The following BCL7A variants were observed in gnomAD, a reference collection of about 807,000 sequenced individuals.
BCL7A encodes B-cell CLL/lymphoma 7 protein family member A.
Under a neutral mutation model 28.4 loss-of-function variants are expected in BCL7A, and 11 were observed. That is an observed-to-expected ratio of 0.39 (90% CI 0.24 to 0.64). The LOEUF (loss-of-function observed/expected upper bound fraction) is 0.64, where lower values mean the gene tolerates loss of function less well. Among genes scored for constraint, BCL7A ranks in the 30% least tolerant of loss-of-function variants. The pLI is 0.50. For missense variants in BCL7A, 222 were observed against 274.8 expected (o/e 0.81, Z 1.36); for synonymous variants, 123 against 103.3 (o/e 1.19, Z -1.15).
At chr12:122,056,519 G>C (rs1001559894) in intron 5 of BCL7A, among the ~76,000 whole-genome samples, 15 of 152,108 alleles carry the variant, frequency 9.9e-5, no homozygotes, top group African/African-American at 3.6e-4. Context: ...ATACGTTTTT[G>C]GCCGGGTGCA....
At chr12:122,049,031 AAAAAATAT>A (rs1315157806) in intron 4 of BCL7A, among the ~76,000 whole-genome samples, 1 of 69,726 alleles carries the variant, frequency 1.4e-5, no homozygotes, top group African/African-American at 6.3e-5. Flanking sequence ...AAAAAAAAAA[AAAAAATAT>A]ATATATATAT....
In BCL7A at chr12:122,037,487, A is replaced by G. The variant is rs1340271683; in HGVS notation, c.271+2060A>G. 3.9e-5 allele frequency among the ~76,000 whole-genome samples: 6 copies of G among 152,338 alleles called. No individual in the cohort carries two copies. In the East Asian group the frequency reaches 1.2e-3, roughly 29 times the overall value. On this transcript the variant is annotated intron_variant, in intron 3 of 5. Coordinates refer to ENST00000261822, the MANE Select transcript of BCL7A (RefSeq NM_001024808.3). ...GACCTGTCTGGAAAACACAGTCACC[A>G]GCTCCAAGGGCAGGGGGACTGGCAG... is the stretch of plus-strand genomic sequence containing the variant.
rs890278794 is a variant in BCL7A at position 122,059,574 on chromosome 12, T to A, written c.*411T>A. ...TGTTCAACCGATTCCTTCCGCTTTCTTTTTTTGTGCCTTGTGCCCTTGAGG... is the reference window on the plus strand; with the variant it reads ...TGTTCAACCGATTCCTTCCGCTTTCATTTTTTGTGCCTTGTGCCCTTGAGG... On this transcript the variant is annotated 3_prime_UTR_variant, in exon 6 of 6. Transcript: ENST00000261822. This position sits in a 1 kb window ranked among gnomAD's most constrained non-coding sequence, Gnocchi z 4.0. 3.3e-5 allele frequency: 8 copies of A among 240,040 alleles called. No individual in the cohort carries two copies. Among genetic ancestry groups the A allele is most frequent in the African/African-American group, 1.3e-4 (6 of 45,448 alleles). The allele number at this position is 240,040 out of a possible 1,614,324, so 14.9% of individuals were successfully genotyped here.
chr12:122,061,619 G>A lies in BCL7A; in HGVS notation c.*2456G>A. ...AGAATCTAAGACCTTTCAGCTTCGAGCCAGGGGGCGGGGGATCCCGAGCAA... is the reference window on the plus strand; with the variant it reads ...AGAATCTAAGACCTTTCAGCTTCGAACCAGGGGGCGGGGGATCCCGAGCAA... On this transcript the variant is annotated 3_prime_UTR_variant, in exon 6 of 6. Coordinates refer to ENST00000261822, the MANE Select transcript of BCL7A (RefSeq NM_001024808.3). 4.5e-6 allele frequency: 1 copy of A among 222,656 alleles called. No homozygotes were observed. The highest frequency in any genetic ancestry group is 8.8e-6 in the Non-Finnish European group (1 of 113,566). The allele number at this position is 222,656 out of a possible 1,614,324, so 13.8% of individuals were successfully genotyped here. A position where few individuals can be genotyped will look rare whatever the true frequency, so the allele number is the denominator to read the frequency against.
chr12:122,025,467 A>C (rs1883603685), intron 1 of BCL7A, among the ~76,000 whole-genome samples: 1 of 152,026 alleles, frequency 6.6e-6, no homozygotes, highest in South Asian at 2.1e-4. Context: ...TACTAAAAAA[A>C]TACAAAAAAA....
At chr12:122,043,214 C>A (rs1020903980) in intron 3 of BCL7A, among the ~76,000 whole-genome samples, 1 of 152,108 alleles carries the variant, frequency 6.6e-6, no homozygotes, top group Non-Finnish European at 1.5e-5. Flanking sequence ...CTGCCAGACA[C>A]ACAAGACGTC....
intron 4 of BCL7A, chr12:122,044,311 C>T (rs950180337): frequency 2.0e-5 from 8 of 400,598 alleles, no homozygotes; most frequent in Non-Finnish European, 3.1e-5. Flanking sequence ...GAGTTCAAGA[C>T]CAGCCTGGGC....
chr12:122,061,071 C>T lies in BCL7A; in HGVS notation c.*1908C>T, dbSNP rs140057976. The T allele has an allele frequency of 4.9e-5, 11 of 226,760 alleles. No homozygotes were observed. The highest frequency in any genetic ancestry group is 2.0e-4 in the African/African-American group (9 of 45,018). The allele number at this position is 226,760 out of a possible 1,614,324, so 14.0% of individuals were successfully genotyped here. ...ACCTACCTGATGCGGTTCCTCTCCACGCATCTCGAGGCGGCGTTACCTCCA... is the reference window on the plus strand; with the variant it reads ...ACCTACCTGATGCGGTTCCTCTCCATGCATCTCGAGGCGGCGTTACCTCCA... On this transcript the variant is annotated 3_prime_UTR_variant, in exon 6 of 6. Transcript: ENST00000261822.
intron 4 of BCL7A, among the ~76,000 whole-genome samples, chr12:122,053,298 G>A (rs1485681203): frequency 1.3e-5 from 2 of 152,148 alleles, no homozygotes; most frequent in South Asian, 2.1e-4. Flanking sequence ...GCCCGGCCAG[G>A]GCTCCTAGTC....
chr12:122,021,959 A>AGTGTGTGCG lies in BCL7A; in HGVS notation c.-132_-124dup, dbSNP rs1555222289. 11 of 537,086 alleles carry AGTGTGTGCG rather than the reference A, an allele frequency of 2.0e-5. No homozygotes were observed. In the East Asian group the frequency reaches 3.3e-4, roughly 16 times the overall value. The allele number at this position is 537,086 out of a possible 1,614,324, so 33.3% of individuals were successfully genotyped here. On this transcript the variant is annotated 5_prime_UTR_variant, in exon 1 of 6. Transcript: ENST00000261822. ...GTGTGTGTGTGTGTGTGTGTGTGTG[A>AGTGTGTGCG]GTGTGTGCGTGTGAGAGTGCGAGTG...
At position 122,061,805 on chromosome 12, in the gene BCL7A, G is replaced by A; in HGVS notation, c.*2642G>A. On this transcript the variant is annotated 3_prime_UTR_variant, in exon 6 of 6. Coordinates refer to ENST00000261822, the MANE Select transcript of BCL7A (RefSeq NM_001024808.3). Reference sequence around the variant, plus strand: ...GGCTGTGGACCGATTCCTCTAGGGTGGTGACCTCCCATTAGCAAACGGTGT... The same window carrying A: ...GGCTGTGGACCGATTCCTCTAGGGTAGTGACCTCCCATTAGCAAACGGTGT... 4.4e-6 allele frequency: 1 copy of A among 229,106 alleles called. No individual in the cohort carries two copies. Among genetic ancestry groups the A allele is most frequent in the Non-Finnish European group, 8.7e-6 (1 of 115,230 alleles). 14.2% of individuals were successfully genotyped at this position (229,106 alleles called of 1,614,324 possible). A position where few individuals can be genotyped will look rare whatever the true frequency, so the allele number is the denominator to read the frequency against.
intron 1 of BCL7A, among the ~76,000 whole-genome samples, chr12:122,025,060 A>T: frequency 6.6e-6 from 1 of 151,270 alleles, no homozygotes; most frequent in East Asian, 2.0e-4. Flanking sequence ...AGGCCAGTGG[A>T]GGTGAGGTGA....
chr12:122,022,209 C>G, intron 1 of BCL7A, 26 bp downstream of exon 1: 1 of 1,418,018 alleles, frequency 7.1e-7, no homozygotes, highest in Non-Finnish European at 9.3e-7. Flanking sequence ...CGCCGCCAGC[C>G]GCCTCCCCGG....
At chr12:122,023,009 T>A in intron 1 of BCL7A, among the ~76,000 whole-genome samples, 1 of 152,230 alleles carries the variant, frequency 6.6e-6, no homozygotes, top group South Asian at 2.1e-4. Context: ...GAGGGAGCTG[T>A]TGTTTTTGTT....
intron 1 of BCL7A, among the ~76,000 whole-genome samples, chr12:122,030,425 G>A (rs1386933270): frequency 6.6e-6 from 1 of 152,254 alleles, no homozygotes; most frequent in Non-Finnish European, 1.5e-5. Context: ...CCCGACTCGT[G>A]CCACCCATAG....
At chr12:122,024,420 T>C (rs1883565369) in intron 1 of BCL7A, among the ~76,000 whole-genome samples, 1 of 151,696 alleles carries the variant, frequency 6.6e-6, no homozygotes, top group African/African-American at 2.4e-5. Context: ...GTTGTCTGTG[T>C]TGTAAGGTGG....
At chr12:122,040,400 G>GC (rs1883942283) in intron 3 of BCL7A, among the ~76,000 whole-genome samples, 1 of 151,962 alleles carries the variant, frequency 6.6e-6, no homozygotes, top group Non-Finnish European at 1.5e-5. Context: ...GGGCATGGTG[G>GC]TGGGCACCTG....
At chr12:122,050,259 C>T (rs943863148) in intron 4 of BCL7A, among the ~76,000 whole-genome samples, 1 of 151,162 alleles carries the variant, frequency 6.6e-6, no homozygotes, top group East Asian at 1.9e-4. Flanking sequence ...GGATTACAGG[C>T]GTGAGCCACC....
Position 122,060,547 on chromosome 12 carries a change from T to C in BCL7A, c.*1384T>C, listed in dbSNP as rs1423615596. 4.3e-6 allele frequency: 1 copy of C among 232,986 alleles called. No homozygotes were observed. Among genetic ancestry groups the C allele is most frequent in the African/African-American group, 2.2e-5 (1 of 45,316 alleles). 14.4% of individuals were successfully genotyped at this position (232,986 alleles called of 1,614,324 possible). ...TTGGTTCTGAGGCCTGGTTTGCTCT[T>C]AATTAATATATGAACTCCTCAGACC... On this transcript the variant is annotated 3_prime_UTR_variant, in exon 6 of 6. Transcript: ENST00000261822.
Sources: allele counts gnomAD v4.1 joint callset (sites outside exome capture counted in the v4.1 genomes callset), GRCh38; gene constraint gnomAD v4.1.1; non-coding constraint Gnocchi (gnomAD v3.1); transcripts MANE v1.5; gene names NCBI Gene and HGNC (gene_info 2026-07-23, HGNC 2026-07-21).